Variants in COL6A1 observed in about 807,000 individuals in gnomAD.
COL6A1 encodes collagen alpha-1(VI) chain.
Under a neutral mutation model 145.6 loss-of-function variants are expected in COL6A1, and 80 were observed. The observed-to-expected ratio is 0.55, with a 90% CI of 0.46 to 0.66. The LOEUF (loss-of-function observed/expected upper bound fraction) is 0.66. Ranked by LOEUF, COL6A1 falls within the 30% of genes least tolerant of loss-of-function variation. The pLI is 0.00. For synonymous variants in COL6A1, 638 were observed against 622.8 expected, an observed-to-expected ratio of 1.02 and a Z score of -0.36; for missense variants, 1,364 against 1,473.8, an observed-to-expected ratio of 0.93 and a Z score of 1.22.
In COL6A1 at chr21:45,989,482, C is replaced by G. The variant is rs185879569; in HGVS notation, c.859-126C>G. 10 of 983,496 alleles carry G rather than the reference C, an allele frequency of 1.0e-5. No homozygotes were observed. The South Asian group carries it at 1.2e-4, about 12-fold the overall frequency. 60.9% of individuals were successfully genotyped at this position (983,496 alleles called of 1,614,324 possible). On this transcript the variant is annotated intron_variant, in intron 9 of 34. Transcript: ENST00000361866. Reference sequence around the variant, plus strand: ...TGGAGGGCCTCGGCACCATGGGCCCCGTGCAGCAGGGCCCCTCTCTCGGCC... The same window carrying G: ...TGGAGGGCCTCGGCACCATGGGCCCGGTGCAGCAGGGCCCCTCTCTCGGCC...
intron 20 of COL6A1, among the ~76,000 whole-genome samples, chr21:45,996,076 G>A (rs553262300): frequency 1.3e-5 from 2 of 152,356 alleles, no homozygotes; most frequent in East Asian, 3.9e-4. Context: ...TGCCCCCAGT[G>A]AGGTGCTCTG....
Position 45,987,621 on chromosome 21 carries a change from A to T in COL6A1, c.771A>T (p.Gly257=). 2 of 1,611,524 alleles carry T rather than the reference A, an allele frequency of 1.2e-6. No individual in the cohort carries two copies. Among genetic ancestry groups the T allele is most frequent in the Non-Finnish European group, 1.7e-6 (2 of 1,179,532 alleles). Residue 257 remains glycine, a synonymous_variant, in exon 8 of 35, where the codon GGA becomes GGT. Transcript: ENST00000361866. The stretch of plus-strand genomic sequence containing the variant: ...CCTCTGCCTTGCAGCCTGCAAGAGG[A>T]CCTCCGGGGCTCCGGGGCGACCCCG... ...CCSFECQPAR[G]PPGLRGDPGF... is the part of the protein sequence containing the mutation.
chr21:45,988,396 C>T (rs1156919348), intron 8 of COL6A1, among the ~76,000 whole-genome samples: 1 of 34,824 alleles, frequency 2.9e-5, no homozygotes, highest in Non-Finnish European at 6.2e-5. Context: ...GAGGGGACGG[C>T]GGGGTCCAGA....
chr21:45,981,898 GAC>G lies in COL6A1; in HGVS notation c.50_51del (p.Thr17SerfsTer5), dbSNP rs747419878. 6.2e-7 allele frequency: 1 copy of G among 1,606,002 alleles called. No homozygotes were observed. Among genetic ancestry groups the G allele is most frequent in the Admixed American group, 1.7e-5 (1 of 59,540 alleles). ...LLPLLLQACW[T>X]AAQDEPETPR... ...TGCCCCTGCTGCTGCAGGCCTGCTG[GAC>G]AGCCGCGCAGGATGAGCCGGAGACC... On this transcript the variant is annotated frameshift_variant, in exon 1 of 35. Transcript: ENST00000361866. LOFTEE classifies it high-confidence loss of function.
rs2077814375 is a variant in COL6A1 at position 45,997,769 on chromosome 21, G to A, written c.1524+7G>A. Reference sequence around the variant, plus strand: ...GGGGCTGATGGGTGAAAGGGTGAGTGTCCAACAGCTCGGGCCCTAGGGCGG... The same window carrying A: ...GGGGCTGATGGGTGAAAGGGTGAGTATCCAACAGCTCGGGCCCTAGGGCGG... On this transcript the variant is annotated splice_region_variant and intron_variant, in intron 22 of 34. Coordinates refer to ENST00000361866, the MANE Select transcript of COL6A1 (RefSeq NM_001848.3). 1 of 1,584,880 alleles carries A rather than the reference G, an allele frequency of 6.3e-7. No individual in the cohort carries two copies. Among genetic ancestry groups the A allele is most frequent in the East Asian group, 2.3e-5 (1 of 43,476 alleles).
rs761863286 is a variant in COL6A1 at position 46,001,951 on chromosome 21, G to A, written c.1957-10G>A. ...GCACTCGCGTCCTGACCCCGGTGCCGGTCCCACAGTTCGAGCCAGGGCAGT... is the reference window on the plus strand; with the variant it reads ...GCACTCGCGTCCTGACCCCGGTGCCAGTCCCACAGTTCGAGCCAGGGCAGT... On this transcript the variant is annotated splice_polypyrimidine_tract_variant and intron_variant, in intron 30 of 34. Transcript: ENST00000361866. 47 of 1,610,846 alleles carry A rather than the reference G, an allele frequency of 2.9e-5. No homozygotes were observed. The highest frequency in any genetic ancestry group is 3.5e-5 in the Non-Finnish European group (41 of 1,179,138).
intron 3 of COL6A1, 52 bp from the exon 4 acceptor site, chr21:45,986,474 C>T: frequency 6.5e-7 from 1 of 1,541,094 alleles, no homozygotes; most frequent in South Asian, 1.2e-5. Context: ...TTGGGTCTCC[C>T]TCCAGTTCCC....
chr21:45,992,439 T>C (rs1156767809), intron 18 of COL6A1, 41 bp downstream of exon 18: 7 of 1,607,012 alleles, frequency 4.4e-6, no homozygotes, highest in South Asian at 2.2e-5. Flanking sequence ...GGCCTCACCA[T>C]GTAGCTGTGG....
chr21:45,996,342 C>T (rs896195817), intron 20 of COL6A1, among the ~76,000 whole-genome samples: 6 of 152,228 alleles, frequency 3.9e-5, no homozygotes, highest in Admixed American at 3.3e-4. Flanking sequence ...GTGTGCAGTC[C>T]TGACTGCTGG....
At chr21:46,003,341 G>C (rs375048671) in intron 34 of COL6A1, 50 bp from the exon 35 acceptor site, 1 of 1,600,334 alleles carries the variant, frequency 6.2e-7, no homozygotes, top group East Asian at 2.2e-5. Context: ...GGCCCACTGC[G>C]GCTGCATCAC....
At position 45,994,319 on chromosome 21, in the gene COL6A1, C is replaced by A; in HGVS notation, c.1398+90C>A. On this transcript the variant is annotated intron_variant, in intron 20 of 34. Transcript: ENST00000361866. The surrounding 1 kb of genome is among the most constrained non-coding windows in gnomAD (Gnocchi z 6.8). The stretch of plus-strand genomic sequence containing the variant: ...GCAGCTCACGCACTGGGGGTCTGTT[C>A]ATTTCCGTTTGAGGGCCTCTGTGTT... 1.6e-6 allele frequency: 2 copies of A among 1,269,624 alleles called. No homozygotes were observed. The highest frequency in any genetic ancestry group is 2.5e-5 in the South Asian group (2 of 78,516). 78.6% of individuals were successfully genotyped at this position (1,269,624 alleles called of 1,614,324 possible).
intron 20 of COL6A1, among the ~76,000 whole-genome samples, chr21:45,995,204 G>A (rs558289117): frequency 1.3e-5 from 2 of 152,386 alleles, no homozygotes; most frequent in East Asian, 1.9e-4. Flanking sequence ...TGGGCCGTTC[G>A]TCCACCTGGT....
Position 45,998,219 on chromosome 21 carries a change from C to T in COL6A1, c.1575+48C>T, listed in dbSNP as rs200462665. On this transcript the variant is annotated intron_variant, in intron 23 of 34. Transcript: ENST00000361866. ...CACAGGAACATGCCCAAGCTGCCTG[C>T]GGCGCCCTCTTTAGTGGACTGGGCA... The T allele has an allele frequency of 1.7e-4, 276 of 1,601,522 alleles. 1 individual carries two copies. The East Asian group carries it at 4.2e-3, about 25-fold the overall frequency.
Position 45,982,776 on chromosome 21 carries a change from C to A in COL6A1, c.227+13C>A, listed in dbSNP as rs755569169. ...ACCTGAGGGACAGGTAGGAGGGACG[C>A]CCCGTGACCTTCCTCCTGTGCTTCT... On this transcript the variant is annotated intron_variant, in intron 2 of 34. Coordinates refer to ENST00000361866, the MANE Select transcript of COL6A1 (RefSeq NM_001848.3). The A allele has an allele frequency of 1.2e-6, 2 of 1,611,310 alleles. No individual in the cohort carries two copies. The highest frequency in any genetic ancestry group is 2.7e-5 in the African/African-American group (2 of 74,954).
intron 12 of COL6A1, 43 bp downstream of exon 12, chr21:45,990,327 C>T: frequency 6.2e-7 from 1 of 1,612,744 alleles, no homozygotes; most frequent in Non-Finnish European, 8.5e-7. Context: ...GCCCCCACGG[C>T]AGCATGTCTG....
intron 29 of COL6A1, chr21:46,001,038 A>T: frequency 1.4e-6 from 1 of 732,372 alleles, no homozygotes; most frequent in Non-Finnish European, 2.2e-6. Context: ...GCCCCACCCT[A>T]GCCTGGCTGA....
intron 11 of COL6A1, 100 bp downstream of exon 11, chr21:45,989,878 A>G: frequency 2.0e-6 from 3 of 1,490,972 alleles, no homozygotes; most frequent in Non-Finnish European, 2.8e-6. Flanking sequence ...CTGACAGGAG[A>G]CCACGTGTCC....
At chr21:45,999,941 GGA>G (rs1335502011) in intron 27 of COL6A1, among the ~76,000 whole-genome samples, 7 of 30,062 alleles carry the variant, frequency 2.3e-4, no homozygotes, top group Non-Finnish European at 3.0e-4. Context: ...ATCATGGGGG[GGA>G]CGTGTGAGGA....
Position 45,986,677 on chromosome 21 carries a change from G to A in COL6A1, c.580G>A (p.Asp194Asn), listed in dbSNP as rs777883035. 6 of 1,546,780 alleles carry A rather than the reference G, an allele frequency of 3.9e-6. No individual in the cohort carries two copies. Among genetic ancestry groups the A allele is most frequent in the Non-Finnish European group, 5.2e-6 (6 of 1,146,850 alleles). The change falls in exon 4 of 35, where the codon GAC (aspartate) becomes AAC (asparagine). Residue 194 changes from aspartate (D) to asparagine (N), a missense_variant. Around this residue, in one of 3 missense-constraint regions of COL6A1, gnomAD observed 414 missense variants for 437.6 expected, o/e 0.95. Transcript: ENST00000361866. ...AGTCTTCTCGGTGGCCATCACACCC[G>A]ACCACCTGGTAGGCACCGGCCCCCC... is the stretch of plus-strand genomic sequence containing the variant. ...VKVFSVAITP[D>N]HLEPRLSIIA...
Sources: gnomAD v4.1 joint callset for allele counts (sites outside exome capture counted in the v4.1 genomes callset) on GRCh38, gnomAD v4.1.1 for gene constraint, gnomAD v4.1.1 regional missense constraint, Gnocchi (gnomAD v3.1) non-coding constraint, MANE v1.5 for transcripts, NCBI Gene and HGNC (gene_info 2026-07-23, HGNC 2026-07-21) for gene names.